Variants in TBX15 observed in about 807,000 individuals in gnomAD.
The protein encoded by TBX15 is T-box transcription factor 15, also known as T-box transcription factor TBX15.
In TBX15, 18 loss-of-function variants were observed where a neutral mutation model predicts 53.9. The observed-to-expected ratio is 0.33, with a 90% CI of 0.23 to 0.49. The LOEUF is 0.49. TBX15 is among the 20% of genes least tolerant of loss of function. TBX15 has a pLI of 0.98. For missense variants in TBX15, 692 were observed against 749.5 expected (o/e 0.92, Z 0.90); for synonymous variants, 295 against 278.0 (o/e 1.06, Z -0.61).
intron 1 of TBX15, among the ~76,000 whole-genome samples, chr1:118,945,247 A>C (rs1242307218): frequency 6.6e-6 from 1 of 152,220 alleles, no homozygotes; most frequent in African/African-American, 2.4e-5. Context: ...GACAGTGTAT[A>C]AGAATTCATT....
At chr1:118,916,629 C>A (rs1341658533) in intron 5 of TBX15, among the ~76,000 whole-genome samples, 1 of 151,998 alleles carries the variant, frequency 6.6e-6, no homozygotes, top group Non-Finnish European at 1.5e-5. Flanking sequence ...TTTGGGAGGC[C>A]GAGGCAGATG....
chr1:118,960,786 C>A (rs1218238519), intron 1 of TBX15, among the ~76,000 whole-genome samples: 1 of 152,152 alleles, frequency 6.6e-6, no homozygotes, highest in Non-Finnish European at 1.5e-5. Flanking sequence ...CAATCATCCC[C>A]AGTGTTTGCT....
At chr1:118,920,846 T>C (rs1655401061) in intron 5 of TBX15, among the ~76,000 whole-genome samples, 1 of 152,142 alleles carries the variant, frequency 6.6e-6, no homozygotes, top group African/African-American at 2.4e-5. Flanking sequence ...CTGGATGTTG[T>C]GACAACCAGG....
intron 7 of TBX15, among the ~76,000 whole-genome samples, chr1:118,897,607 C>T (rs1654473322): frequency 6.6e-6 from 1 of 152,154 alleles, no homozygotes; most frequent in Non-Finnish European, 1.5e-5. Flanking sequence ...AATTATCCCT[C>T]TTTTGTAGGT....
intron 7 of TBX15, among the ~76,000 whole-genome samples, chr1:118,896,516 CTGCT>C (rs1218878812): frequency 9.2e-5 from 14 of 152,136 alleles, no homozygotes; most frequent in Non-Finnish European, 2.1e-4. Context: ...CTGTCTAGGA[CTGCT>C]ATGTGACATG....
chr1:118,941,204 A>G (rs1374105520), intron 1 of TBX15, among the ~76,000 whole-genome samples: 4 of 152,126 alleles, frequency 2.6e-5, no homozygotes, highest in Non-Finnish European at 5.9e-5. Flanking sequence ...TGGTCTTTTA[A>G]TTTCTATGAT....
chr1:118,949,743 T>G (rs1251055523), intron 1 of TBX15, among the ~76,000 whole-genome samples: 1 of 152,174 alleles, frequency 6.6e-6, no homozygotes, highest in African/African-American at 2.4e-5. Flanking sequence ...TGCCTTTCCA[T>G]CAGCACTGGT....
intron 1 of TBX15, among the ~76,000 whole-genome samples, chr1:118,965,063 C>A (rs914870275): frequency 6.6e-6 from 1 of 152,194 alleles, no homozygotes; most frequent in South Asian, 2.1e-4. Flanking sequence ...CACCCAGAAA[C>A]CCTGACTGAC....
intron 7 of TBX15, among the ~76,000 whole-genome samples, chr1:118,887,671 CAAAAA>C (rs200343289): frequency 1.1e-5 from 1 of 90,140 alleles, no homozygotes; most frequent in Non-Finnish European, 2.6e-5. Flanking sequence ...GCAAAACTCT[CAAAAA>C]AAAAAAAAAA....
intron 1 of TBX15, among the ~76,000 whole-genome samples, chr1:118,971,072 C>A (rs560542801): frequency 6.6e-6 from 1 of 152,188 alleles, no homozygotes; most frequent in African/African-American, 2.4e-5. Flanking sequence ...CCTTGCTGGG[C>A]AGAAAACAGA....
At chr1:118,898,274 C>T (rs1023828383) in intron 7 of TBX15, among the ~76,000 whole-genome samples, 1 of 152,094 alleles carries the variant, frequency 6.6e-6, no homozygotes, top group Non-Finnish European at 1.5e-5. Context: ...GGTTACAAAC[C>T]TAATTCAGTG....
intron 1 of TBX15, among the ~76,000 whole-genome samples, chr1:118,939,803 A>T (rs188818323): frequency 6.6e-5 from 10 of 152,090 alleles, no homozygotes; most frequent in Non-Finnish European, 1.3e-4. Context: ...GTGATCCAGC[A>T]TGCTTTGAAG....
At chr1:118,978,008 A>C (rs1243451218) in intron 1 of TBX15, among the ~76,000 whole-genome samples, 1 of 152,190 alleles carries the variant, frequency 6.6e-6, no homozygotes, top group Non-Finnish European at 1.5e-5. Flanking sequence ...GAGTTTTTCC[A>C]GTTATTTCTG....
intron 1 of TBX15, among the ~76,000 whole-genome samples, chr1:118,961,683 C>T (rs184858264): frequency 6.6e-6 from 1 of 152,192 alleles, no homozygotes; most frequent in Non-Finnish European, 1.5e-5. Context: ...CTATCTAGTA[C>T]TAGCAGAGCT....
intron 6 of TBX15, among the ~76,000 whole-genome samples, chr1:118,913,757 C>T (rs75023317): frequency 0.014 from 2,152 of 152,058 alleles, 46 homozygotes; most frequent in African/African-American, 0.05. Context: ...TCCTTGTTTC[C>T]TGGGAATGAG....
chr1:118,933,002 T>A (rs1042640476), intron 1 of TBX15, among the ~76,000 whole-genome samples: 1 of 152,130 alleles, frequency 6.6e-6, no homozygotes. Flanking sequence ...TGAGTGACTT[T>A]TCAATGGTGT....
intron 1 of TBX15, among the ~76,000 whole-genome samples, chr1:118,943,606 C>T (rs1656253812): frequency 6.6e-6 from 1 of 152,172 alleles, no homozygotes; most frequent in South Asian, 2.1e-4. Flanking sequence ...AGCAAACTCT[C>T]ACCTTGAACA....
At chr1:118,909,071 A>G (rs569489328) in intron 6 of TBX15, among the ~76,000 whole-genome samples, 20 of 152,294 alleles carry the variant, frequency 1.3e-4, no homozygotes, top group South Asian at 2.1e-4. Context: ...ACACTTCCTA[A>G]AGAAGCAGGG....
At chr1:118,956,659 T>C (rs12094432) in intron 1 of TBX15, among the ~76,000 whole-genome samples, 28,888 of 152,068 alleles carry the variant, frequency 0.19, 3,279 homozygotes, top group East Asian at 0.5. Context: ...CTTTTAAAAA[T>C]AGATTAAATC....
Sources: gnomAD v4.1 joint callset for allele counts (sites outside exome capture counted in the v4.1 genomes callset) on GRCh38, gnomAD v4.1.1 for gene constraint, MANE v1.5 for transcripts, NCBI Gene and HGNC (gene_info 2026-07-23, HGNC 2026-07-21) for gene names.